AGMO: variants seen among roughly 807,000 people sequenced by gnomAD.
The protein encoded by AGMO is alkylglycerol monooxygenase.
Under a neutral mutation model 60.2 loss-of-function variants are expected in AGMO, and 75 were observed. The observed-to-expected ratio is 1.25, with a 90% CI of 1.03 to 1.51. The LOEUF (loss-of-function observed/expected upper bound fraction) is 1.51. AGMO is among the 40% of genes most tolerant of loss of function. The pLI is 0.00. For synonymous variants in AGMO, 261 were observed against 177.1 expected, an observed-to-expected ratio of 1.47 and a Z score of -3.76; for missense variants, 763 against 525.5, an observed-to-expected ratio of 1.45 and a Z score of -4.42.
intron 12 of AGMO, among the ~76,000 whole-genome samples, chr7:15,248,179 C>CATATATATATACATATATATAT (rs1554401206): frequency 6.1e-5 from 2 of 32,662 alleles, no homozygotes; most frequent in South Asian, 1.4e-3. Flanking sequence ...GATCCAGCAC[C>CATATATATATACATATATATAT]ATATATATAT....
At chr7:15,129,708 T>A in the AGMO span, among the ~76,000 whole-genome samples, 1 of 152,100 alleles carries the variant, frequency 6.6e-6, no homozygotes. Flanking sequence ...TCCAATTGCA[T>A]TATGGGTGGT....
At chr7:15,134,075 TTACATGGGTA>T in the AGMO span, among the ~76,000 whole-genome samples, 1 of 152,298 alleles carries the variant, frequency 6.6e-6, no homozygotes, top group Non-Finnish European at 1.5e-5. Context: ...TGCAGGTTTG[TTACATGGGTA>T]GACTGCATGT....
At chr7:15,518,298 C>T (rs186551548) in intron 3 of AGMO, among the ~76,000 whole-genome samples, 15 of 152,238 alleles carry the variant, frequency 9.9e-5, no homozygotes, top group African/African-American at 3.6e-4. Context: ...AGCGGACCTC[C>T]TAGCACAGCA....
At chr7:15,351,633 T>C (rs529534109) in intron 12 of AGMO, among the ~76,000 whole-genome samples, 2 of 152,250 alleles carry the variant, frequency 1.3e-5, no homozygotes, top group East Asian at 1.9e-4. Flanking sequence ...GATAGCTGAG[T>C]TGTTACCATG....
chr7:15,429,740 G>C (rs1781174448), intron 4 of AGMO, among the ~76,000 whole-genome samples: 1 of 151,934 alleles, frequency 6.6e-6, no homozygotes, highest in Admixed American at 6.6e-5. Flanking sequence ...CTATGCTGCT[G>C]TTTGGGTTAG....
At chr7:15,136,501 T>C in the AGMO span, among the ~76,000 whole-genome samples, 1 of 152,180 alleles carries the variant, frequency 6.6e-6, no homozygotes, top group Non-Finnish European at 1.5e-5. Flanking sequence ...TGTATTTTTT[T>C]TTTAAAAGGA....
At chr7:15,496,603 C>T (rs1035847723) in intron 3 of AGMO, among the ~76,000 whole-genome samples, 1 of 151,548 alleles carries the variant, frequency 6.6e-6, no homozygotes, top group Non-Finnish European at 1.5e-5. Flanking sequence ...GAATGATGGG[C>T]AAATGAACAG....
chr7:15,285,262 A>C (rs1005589387), intron 12 of AGMO, among the ~76,000 whole-genome samples: 6 of 152,018 alleles, frequency 3.9e-5, no homozygotes, highest in Non-Finnish European at 7.4e-5. Context: ...AAAGTGCATC[A>C]AAATTGAAAA....
intron 12 of AGMO, among the ~76,000 whole-genome samples, chr7:15,329,129 A>G (rs1256908001): frequency 6.6e-6 from 1 of 152,168 alleles, no homozygotes; most frequent in East Asian, 1.9e-4. Flanking sequence ...CTATGTGCAT[A>G]CTGTATATTT....
At chr7:15,438,688 G>T (rs928089333) in intron 3 of AGMO, among the ~76,000 whole-genome samples, 3 of 152,234 alleles carry the variant, frequency 2.0e-5, no homozygotes. Flanking sequence ...GGACACTAAG[G>T]CCCTAGGGTA....
At chr7:15,557,687 T>C (rs1425633841) in intron 2 of AGMO, among the ~76,000 whole-genome samples, 1 of 152,078 alleles carries the variant, frequency 6.6e-6, no homozygotes, top group African/African-American at 2.4e-5. Flanking sequence ...GATAATTTGC[T>C]TTACTGGGAT....
At chr7:15,509,090 C>T (rs1583627459) in intron 3 of AGMO, among the ~76,000 whole-genome samples, 2 of 152,044 alleles carry the variant, frequency 1.3e-5, no homozygotes, top group South Asian at 4.1e-4. Context: ...GTAAAAGGAA[C>T]CAGTAGTGTT....
At chr7:15,550,283 A>C (rs1178606302) in intron 2 of AGMO, among the ~76,000 whole-genome samples, 2,994 of 151,510 alleles carry the variant, frequency 0.02, 101 homozygotes, top group African/African-American at 0.068. Context: ...AAACACATTC[A>C]AAAGCTAGCA....
In AGMO at chr7:15,459,786, G is replaced by T. The variant is rs1242364994; in HGVS notation, c.410-28678C>A. 2.0e-5 allele frequency among the ~76,000 whole-genome samples: 3 copies of T among 152,092 alleles called. No individual in the cohort carries two copies. The East Asian group carries it at 5.8e-4, about 29-fold the overall frequency. On this transcript the variant is annotated intron_variant, in intron 3 of 12. Transcript: ENST00000342526. ...ATGATAAAAATAAGGGTAAGAATGAGATACCTATATTTCAAGCTATGTGAG... is the reference window on the plus strand; with the variant it reads ...ATGATAAAAATAAGGGTAAGAATGATATACCTATATTTCAAGCTATGTGAG...
At chr7:15,354,456 A>G (rs1782420761) in intron 12 of AGMO, among the ~76,000 whole-genome samples, 1 of 8,622 alleles carries the variant, frequency 1.2e-4, no homozygotes. Flanking sequence ...GTGTGTGTAT[A>G]CACACGTGTG....
intron 12 of AGMO, among the ~76,000 whole-genome samples, chr7:15,308,972 A>C (rs1351547513): frequency 6.6e-6 from 1 of 152,194 alleles, no homozygotes; most frequent in African/African-American, 2.4e-5. Context: ...TTCACAACTT[A>C]AACGCTTACT....
chr7:15,325,935 G>C (rs1781326651), intron 12 of AGMO, among the ~76,000 whole-genome samples: 1 of 152,070 alleles, frequency 6.6e-6, no homozygotes, highest in South Asian at 2.1e-4. Context: ...GGAGGAGGAG[G>C]AGAGGGAGAG....
chr7:15,183,425 G>C, the AGMO span, among the ~76,000 whole-genome samples: 1 of 152,110 alleles, frequency 6.6e-6, no homozygotes, highest in African/African-American at 2.4e-5. Flanking sequence ...ATTTACAATA[G>C]ACAAAATGTT....
chr7:15,120,275 T>C, the AGMO span, among the ~76,000 whole-genome samples: 1 of 152,284 alleles, frequency 6.6e-6, no homozygotes, highest in Admixed American at 6.5e-5. Context: ...TCACCAGTGA[T>C]GTTCAAACTG....
Sources: gnomAD v4.1 joint callset for allele counts (sites outside exome capture counted in the v4.1 genomes callset) on GRCh38, gnomAD v4.1.1 for gene constraint, MANE v1.5 for transcripts, NCBI Gene and HGNC (gene_info 2026-07-23, HGNC 2026-07-21) for gene names.